Variants in PARD3B observed in about 807,000 individuals in gnomAD.
PARD3B encodes the protein partitioning defective 3 homolog B.
In PARD3B, 103 loss-of-function variants were observed where a neutral mutation model predicts 130.2. That is an observed-to-expected ratio of 0.79 (90% CI 0.67 to 0.93). The LOEUF is 0.93. Among genes scored for constraint, PARD3B ranks in the 40% least tolerant of loss-of-function variants. The probability of loss-of-function intolerance (pLI) is 0.00; values close to 1 mark genes in which losing one functional copy is unlikely to be tolerated. For missense variants in PARD3B, 1,609 were observed against 1,499.2 expected, an observed-to-expected ratio of 1.07 and a Z score of -1.21; for synonymous variants, 583 against 553.2, an observed-to-expected ratio of 1.05 and a Z score of -0.76.
chr2:205,614,785 G>T (rs1181092984), intron 22 of PARD3B, among the ~76,000 whole-genome samples: 1 of 152,036 alleles, frequency 6.6e-6, no homozygotes, highest in Non-Finnish European at 1.5e-5. Flanking sequence ...AGCATTTAGG[G>T]AGGGGAGGGA....
intron 22 of PARD3B, among the ~76,000 whole-genome samples, chr2:205,603,542 G>A (rs993716625): frequency 6.6e-6 from 1 of 152,088 alleles, no homozygotes; most frequent in Non-Finnish European, 1.5e-5. Flanking sequence ...TCCTGTATTG[G>A]GTGCATATAT....
rs62173184 is a variant in PARD3B at position 205,473,694 on chromosome 2, A to G, written c.3045-26202A>G. Among the ~76,000 whole-genome samples, 13,276 of 138,548 alleles carry G rather than the reference A, an allele frequency of 0.096. 987 individuals are homozygous for G. Among genetic ancestry groups the G allele is most frequent in the African/African-American group, 0.23 (7,824 of 34,276 alleles). The allele number at this position is 138,548 out of a possible 152,430, so 90.9% of individuals were successfully genotyped here. A position where few individuals can be genotyped will look rare whatever the true frequency, so the allele number is the denominator to read the frequency against. ...TGTGTGTGTGTGTATGTATATATAT[A>G]TATATATATATATATACACACACAC... On this transcript the variant is annotated intron_variant, in intron 20 of 22. Coordinates refer to ENST00000406610, the MANE Select transcript of PARD3B (RefSeq NM_001302769.2). This position sits in a 1 kb window ranked among gnomAD's most constrained non-coding sequence, Gnocchi z 4.9.
rs552383304 is a variant in PARD3B at position 205,187,437 on chromosome 2, G to T, written c.2024+1574G>T. Among the ~76,000 whole-genome samples, 24 of 152,294 alleles carry T rather than the reference G, an allele frequency of 1.6e-4. 1 individual carries two copies. The East Asian group carries it at 4.2e-3, about 27-fold the overall frequency. On this transcript the variant is annotated intron_variant, in intron 14 of 22. Coordinates refer to ENST00000406610, the MANE Select transcript of PARD3B (RefSeq NM_001302769.2). This position sits in a 1 kb window ranked among gnomAD's most constrained non-coding sequence, Gnocchi z 4.9. ...AATGAAACCTGGGTTTTTTGTGTGTGTATAACATGGATTGGGTGAATGGAA... is the reference window on the plus strand; with the variant it reads ...AATGAAACCTGGGTTTTTTGTGTGTTTATAACATGGATTGGGTGAATGGAA...
intron 2 of PARD3B, among the ~76,000 whole-genome samples, chr2:204,870,187 A>C (rs999998799): frequency 6.6e-6 from 1 of 152,158 alleles, no homozygotes; most frequent in African/African-American, 2.4e-5. Flanking sequence ...GGTGGTAGAG[A>C]AAGTCCCCTT....
At chr2:205,494,027 T>C (rs1052229867) in intron 20 of PARD3B, among the ~76,000 whole-genome samples, 2 of 152,070 alleles carry the variant, frequency 1.3e-5, no homozygotes, top group Admixed American at 1.3e-4. Context: ...TCCCAAGTGC[T>C]GGGATTACAG....
intron 10 of PARD3B, among the ~76,000 whole-genome samples, chr2:205,138,105 C>G (rs1173593967): frequency 1.3e-5 from 2 of 152,120 alleles, no homozygotes; most frequent in African/African-American, 4.8e-5. Context: ...AAGTTATCAG[C>G]CCAGGACTGT....
chr2:205,086,980 G>A (rs767245305), intron 4 of PARD3B, among the ~76,000 whole-genome samples: 59 of 152,328 alleles, frequency 3.9e-4, no homozygotes, highest in Non-Finnish European at 7.6e-4. Context: ...TTCAGATATA[G>A]GCACTGTTAG....
intron 22 of PARD3B, among the ~76,000 whole-genome samples, chr2:205,554,535 GTTTTC>G (rs367944568): frequency 5.3e-5 from 8 of 151,960 alleles, no homozygotes; most frequent in South Asian, 2.1e-4. Context: ...TTATCTTCCT[GTTTTC>G]TTTTCTTTAA....
chr2:204,861,344 C>A (rs571296885), intron 2 of PARD3B, among the ~76,000 whole-genome samples: 3 of 151,954 alleles, frequency 2.0e-5, no homozygotes, highest in Non-Finnish European at 2.9e-5. Context: ...ATTAATTTAA[C>A]ATATCAAGAA....
intron 2 of PARD3B, among the ~76,000 whole-genome samples, chr2:204,849,730 A>G (rs948860778): frequency 6.6e-6 from 1 of 152,212 alleles, no homozygotes; most frequent in African/African-American, 2.4e-5. Context: ...GCTTTTTCAA[A>G]ATGCTGTTCT....
Position 205,463,925 on chromosome 2 carries a change from T to C in PARD3B, c.3044+23253T>C, listed in dbSNP as rs2048536523. ...AGAAAAGTGTTTTATTGAAGGGATC[T>C]TCACTAAAACCTTCATCCCAGGTAA... On this transcript the variant is annotated intron_variant, in intron 20 of 22. Transcript: ENST00000406610. The surrounding 1 kb of genome is among the most constrained non-coding windows in gnomAD (Gnocchi z 4.8). Among the ~76,000 whole-genome samples the C allele has an allele frequency of 6.6e-6, 1 of 152,190 alleles. No homozygotes were observed. Among genetic ancestry groups the C allele is most frequent in the Admixed American group, 6.5e-5 (1 of 15,286 alleles).
At chr2:205,361,305 G>GA (rs376567846) in intron 18 of PARD3B, among the ~76,000 whole-genome samples, 57 of 152,232 alleles carry the variant, frequency 3.7e-4, no homozygotes, top group African/African-American at 1.3e-3. Context: ...ATGGTAGATG[G>GA]AAAATCTAAT....
rs2042473236 is a variant in PARD3B at position 204,799,041 on chromosome 2, C to T, written c.222+112759C>T. Among the ~76,000 whole-genome samples, 1 of 152,076 alleles carries T rather than the reference C, an allele frequency of 6.6e-6. No individual in the cohort carries two copies. The highest frequency in any genetic ancestry group is 2.4e-5 in the African/African-American group (1 of 41,422). The stretch of plus-strand genomic sequence containing the variant: ...GGGACTTTTCCTTTACTCACCAGCT[C>T]AGCCACAGCGAAGTGGAGCAGCAAA... On this transcript the variant is annotated intron_variant, in intron 2 of 22. Transcript: ENST00000406610. The surrounding 1 kb of genome is among the most constrained non-coding windows in gnomAD (Gnocchi z 4.1).
chr2:204,958,328 T>C (rs1317296572), intron 2 of PARD3B, among the ~76,000 whole-genome samples: 1 of 152,174 alleles, frequency 6.6e-6, no homozygotes, highest in African/African-American at 2.4e-5. Context: ...GTTAAAATAT[T>C]TACTTGTCGG....
intron 2 of PARD3B, among the ~76,000 whole-genome samples, chr2:204,883,324 A>AT (rs2046122917): frequency 6.9e-6 from 1 of 144,978 alleles, no homozygotes; most frequent in Non-Finnish European, 1.5e-5. Flanking sequence ...TGATTGTTTC[A>AT]TTTTTGATCA....
intron 2 of PARD3B, among the ~76,000 whole-genome samples, chr2:204,708,153 A>AT (rs552664511): frequency 1.7e-3 from 255 of 152,220 alleles, no homozygotes; most frequent in Admixed American, 3.5e-3. Context: ...ATAGAGACAG[A>AT]TTTTTTTAAT....
chr2:205,137,471 T>TA (rs2032584233), intron 10 of PARD3B, among the ~76,000 whole-genome samples: 2 of 152,232 alleles, frequency 1.3e-5, no homozygotes, highest in Non-Finnish European at 2.9e-5. Flanking sequence ...CACATTTTTT[T>TA]AAAAACCCAT....
chr2:204,718,204 A>G (rs1362658162), intron 2 of PARD3B, among the ~76,000 whole-genome samples: 2 of 151,978 alleles, frequency 1.3e-5, no homozygotes, highest in African/African-American at 2.4e-5. Context: ...AGGAGTGTCT[A>G]TATGCTTTCT....
At chr2:205,503,552 A>G (rs2050237724) in intron 21 of PARD3B, among the ~76,000 whole-genome samples, 1 of 152,120 alleles carries the variant, frequency 6.6e-6, no homozygotes, top group South Asian at 2.1e-4. Context: ...TGGTACCAGT[A>G]CCATGCTGTT....
Sources: gnomAD v4.1 joint callset for allele counts (sites outside exome capture counted in the v4.1 genomes callset) on GRCh38, gnomAD v4.1.1 for gene constraint, Gnocchi (gnomAD v3.1) non-coding constraint, MANE v1.5 for transcripts, NCBI Gene and HGNC (gene_info 2026-07-23, HGNC 2026-07-21) for gene names.